CADM1: variants seen among roughly 807,000 people sequenced by gnomAD.
The protein encoded by CADM1 is cell adhesion molecule 1.
Under a neutral mutation model 53.1 loss-of-function variants are expected in CADM1, and 15 were observed. The observed-to-expected ratio is 0.28, with a 90% CI of 0.19 to 0.44. CADM1 has a LOEUF of 0.44. CADM1 is among the 20% of genes least tolerant of loss of function. The pLI is 1.00. For synonymous variants in CADM1, 281 were observed against 243.0 expected (o/e 1.16, Z -1.45); for missense variants, 434 against 611.3 (o/e 0.71, Z 3.06).
intron 1 of CADM1, among the ~76,000 whole-genome samples, chr11:115,384,964 C>T (rs548177806): frequency 6.6e-6 from 1 of 152,180 alleles, no homozygotes; most frequent in South Asian, 2.1e-4. Context: ...AGCTAAAAGA[C>T]ATTTACCATC....
intron 1 of CADM1, among the ~76,000 whole-genome samples, chr11:115,449,384 G>A (rs1209722878): frequency 6.6e-6 from 1 of 152,156 alleles, no homozygotes; most frequent in East Asian, 1.9e-4. Flanking sequence ...TCAGCTAAGA[G>A]GCTCAATGGT....
At chr11:115,292,754 C>T (rs887022723) in intron 1 of CADM1, among the ~76,000 whole-genome samples, 58 of 152,180 alleles carry the variant, frequency 3.8e-4, no homozygotes, top group African/African-American at 1.2e-3. Context: ...ACAGGCAGAT[C>T]AGTCAATGGG....
At chr11:115,297,345 G>C (rs1360644143) in intron 1 of CADM1, among the ~76,000 whole-genome samples, 1 of 152,196 alleles carries the variant, frequency 6.6e-6, no homozygotes, top group Non-Finnish European at 1.5e-5. Flanking sequence ...CAGATGTTCA[G>C]CTGCATGATC....
In CADM1 at chr11:115,267,872, AATG is replaced by A. The variant is rs550574311; in HGVS notation, c.125-27455_125-27453del. On this transcript the variant is annotated intron_variant, in intron 1 of 11. Transcript: ENST00000331581. The stretch of plus-strand genomic sequence containing the variant: ...CAGGAACAGCCCCCTTGGAGGTCAG[AATG>A]ATATTTATGACACGGTCACCGGGCT... Among the ~76,000 whole-genome samples the A allele has an allele frequency of 9.2e-4, 140 of 151,898 alleles. 1 individual carries two copies. The highest frequency in any genetic ancestry group is 3.2e-3 in the African/African-American group (132 of 41,418).
intron 1 of CADM1, among the ~76,000 whole-genome samples, chr11:115,262,562 G>A (rs1943007952): frequency 6.6e-6 from 1 of 152,202 alleles, no homozygotes; most frequent in South Asian, 2.1e-4. Flanking sequence ...CCTAGGCTGT[G>A]ATACAGTTAA....
intron 1 of CADM1, among the ~76,000 whole-genome samples, chr11:115,427,082 T>C (rs1348333174): frequency 6.6e-6 from 1 of 152,092 alleles, no homozygotes; most frequent in Non-Finnish European, 1.5e-5. Flanking sequence ...AAACAAAGTT[T>C]AAAATGACCA....
At chr11:115,297,361 C>T (rs1041498440) in intron 1 of CADM1, among the ~76,000 whole-genome samples, 8 of 152,146 alleles carry the variant, frequency 5.3e-5, no homozygotes, top group East Asian at 1.9e-4. Flanking sequence ...TGATCAGGAA[C>T]AAGATTGTAT....
intron 9 of CADM1, among the ~76,000 whole-genome samples, chr11:115,195,811 C>T (rs915454956): frequency 1.3e-5 from 2 of 152,180 alleles, no homozygotes; most frequent in African/African-American, 4.8e-5. Context: ...ATCTGGCTTT[C>T]ATTACAGCTT....
At chr11:115,199,056 G>A (rs985726156) in intron 8 of CADM1, among the ~76,000 whole-genome samples, 27 of 152,100 alleles carry the variant, frequency 1.8e-4, no homozygotes, top group Admixed American at 5.2e-4. Flanking sequence ...TAACTGGGAG[G>A]CCATGGCAAT....
At chr11:115,196,595 TAAAAA>T (rs61694033) in intron 9 of CADM1, among the ~76,000 whole-genome samples, 5 of 76,892 alleles carry the variant, frequency 6.5e-5, no homozygotes, top group South Asian at 7.5e-4. Context: ...GCTGATGAAC[TAAAAA>T]AAAAAAAAAA....
At chr11:115,465,939 C>A (rs1210732326) in intron 1 of CADM1, among the ~76,000 whole-genome samples, 2 of 152,142 alleles carry the variant, frequency 1.3e-5, no homozygotes, top group Non-Finnish European at 2.9e-5. Context: ...AATTTACAGA[C>A]TTCTAGTTCA....
chr11:115,262,083 G>C (rs934367201), intron 1 of CADM1, among the ~76,000 whole-genome samples: 1 of 151,510 alleles, frequency 6.6e-6, no homozygotes, highest in Non-Finnish European at 1.5e-5. Context: ...ATATTTTTAC[G>C]ATTCAGTTTT....
At chr11:115,203,051 A>G (rs4482062) in intron 8 of CADM1, among the ~76,000 whole-genome samples, 151,919 of 152,260 alleles carry the variant, frequency 1, 75,791 homozygotes, top group Non-Finnish European at 1. Flanking sequence ...AAAGGCCAAA[A>G]TAGGAGAGAC....
intron 1 of CADM1, among the ~76,000 whole-genome samples, chr11:115,342,477 C>T (rs1361549084): frequency 6.6e-6 from 1 of 152,090 alleles, no homozygotes; most frequent in Non-Finnish European, 1.5e-5. Flanking sequence ...AGCTCCTTAC[C>T]GGTCTCTAAG....
chr11:115,440,096 T>C (rs948422872), intron 1 of CADM1, among the ~76,000 whole-genome samples: 2 of 152,218 alleles, frequency 1.3e-5, no homozygotes, highest in African/African-American at 4.8e-5. Context: ...TTCATATATT[T>C]TAATGTCCAA....
chr11:115,252,964 T>C (rs1942654662), intron 1 of CADM1, among the ~76,000 whole-genome samples: 1 of 152,202 alleles, frequency 6.6e-6, no homozygotes, highest in South Asian at 2.1e-4. Flanking sequence ...TATGCACGAA[T>C]ACTTGGCCTT....
At chr11:115,493,278 T>TAA (rs536260260) in intron 1 of CADM1, among the ~76,000 whole-genome samples, 10 of 122,474 alleles carry the variant, frequency 8.2e-5, no homozygotes, top group African/African-American at 1.2e-4. Context: ...TGTAATTTTC[T>TAA]AAAAAAAAAA....
intron 1 of CADM1, among the ~76,000 whole-genome samples, chr11:115,406,783 C>T (rs1232889576): frequency 6.6e-6 from 1 of 150,992 alleles, no homozygotes; most frequent in Non-Finnish European, 1.5e-5. Flanking sequence ...CCCATCTCAA[C>T]TAAACATACA....
At chr11:115,449,846 A>T (rs1948533088) in intron 1 of CADM1, among the ~76,000 whole-genome samples, 2 of 152,202 alleles carry the variant, frequency 1.3e-5, no homozygotes, top group Admixed American at 6.5e-5. Context: ...TGACATACAC[A>T]TGTGCACACA....
Sources: gnomAD v4.1 joint callset for allele counts (sites outside exome capture counted in the v4.1 genomes callset) on GRCh38, gnomAD v4.1.1 for gene constraint, MANE v1.5 for transcripts, NCBI Gene and HGNC (gene_info 2026-07-23, HGNC 2026-07-21) for gene names.